Variants in NEBL observed in about 807,000 individuals in gnomAD.
NEBL encodes the protein nebulette, also known as LIM and SH3 protein 2.
NEBL carries 122 observed loss-of-function variants against 140.2 expected under a neutral mutation model. The ratio of observed to expected loss-of-function variants is 0.87; its 90% confidence interval spans 0.75 to 1.01. The LOEUF is 1.01. Among genes scored for constraint, NEBL ranks in the 50% least tolerant of loss-of-function variants. NEBL has a pLI of 0.00. For missense variants in NEBL, 1,365 were observed against 1,231.3 expected (o/e 1.11, Z -1.62); for synonymous variants, 436 against 398.9 (o/e 1.09, Z -1.11).
intron 2 of NEBL, among the ~76,000 whole-genome samples, chr10:21,124,492 AC>A (rs1481934980): frequency 1.3e-5 from 2 of 152,148 alleles, no homozygotes; most frequent in Non-Finnish European, 2.9e-5. Flanking sequence ...CTGTCTAAAG[AC>A]CCTAATGCAA....
rs71392177 is a variant in NEBL, at chr10:21,264,696, TAAAAAAAAAAAAAAAAAAAAAAAAA to T, written n.183-12893_183-12869del. 3.3e-4 allele frequency among the ~76,000 whole-genome samples: 10 copies of T among 30,724 alleles called. No individual in the cohort carries two copies. In the South Asian group the frequency reaches 7.7e-3, roughly 24 times the overall value. 20.2% of individuals were successfully genotyped at this position (30,724 alleles called of 152,430 possible). On this transcript the variant is annotated intron_variant and non_coding_transcript_variant, in intron 1 of 8. Transcript: ENST00000675702. ...CCCTTAATTTGTTCCAGTTGCTATT[TAAAAAAAAAAAAAAAAAAAAAAAAA>T]AAAAAAAAAAAAGCCTTACACTGGG...
intron 3 of NEBL, among the ~76,000 whole-genome samples, chr10:21,202,876 T>C (rs918357777): frequency 3.9e-5 from 6 of 152,200 alleles, no homozygotes; most frequent in African/African-American, 1.2e-4. Flanking sequence ...TTTTCTATAC[T>C]AAGTACTAGT....
At chr10:21,288,975 G>C (rs1843106469) in intron 1 of NEBL, among the ~76,000 whole-genome samples, 1 of 148,602 alleles carries the variant, frequency 6.7e-6, no homozygotes, top group South Asian at 2.2e-4. Flanking sequence ...AGCCTCCCGA[G>C]TAGCTGGGAT....
In NEBL at chr10:20,823,205, C is replaced by A; in HGVS notation, c.1962+3G>T. 1 of 1,592,784 alleles carries A rather than the reference C, an allele frequency of 6.3e-7. No individual in the cohort carries two copies. The highest frequency in any genetic ancestry group is 1.1e-5 in the South Asian group (1 of 90,400). Reference sequence around the variant, plus strand: ...TTAAAAAATACTTAAGAAATATGATCACATTGCTGATGTTCTTCTGGTTTT... The same window carrying A: ...TTAAAAAATACTTAAGAAATATGATAACATTGCTGATGTTCTTCTGGTTTT... On this transcript the variant is annotated splice_donor_region_variant and intron_variant, in intron 19 of 27. Transcript: ENST00000377122.
intron 5 of NEBL, among the ~76,000 whole-genome samples, chr10:20,872,228 A>C (rs1039082139): frequency 2.2e-4 from 34 of 152,152 alleles, no homozygotes; most frequent in African/African-American, 7.7e-4. Context: ...CCCATCATCC[A>C]TGTAAATTGC....
intron 5 of NEBL, among the ~76,000 whole-genome samples, chr10:20,876,303 C>T (rs1301136459): frequency 2.0e-5 from 3 of 152,012 alleles, no homozygotes; most frequent in Non-Finnish European, 2.9e-5. Flanking sequence ...TTTTCTTATT[C>T]ATGATTTAAT....
intron 4 of NEBL, among the ~76,000 whole-genome samples, chr10:20,913,614 G>A (rs568634813): frequency 1.4e-4 from 21 of 152,220 alleles, no homozygotes; most frequent in Admixed American, 8.5e-4. Context: ...ACGAAATATC[G>A]TATCAGGAAT....
At chr10:21,138,631 GTGC>G (rs2132089261) in intron 2 of NEBL, among the ~76,000 whole-genome samples, 2 of 152,076 alleles carry the variant, frequency 1.3e-5, no homozygotes, top group East Asian at 3.9e-4. Context: ...TATACTCCAG[GTGC>G]TATGTTATGT....
intron 2 of NEBL, among the ~76,000 whole-genome samples, chr10:21,038,624 G>T (rs1049556944): frequency 1.1e-4 from 17 of 152,180 alleles, no homozygotes; most frequent in Non-Finnish European, 1.8e-4. Context: ...ATGGGCATTT[G>T]GGTTGGTTCC....
At chr10:21,219,262 AT>A (rs1842036309) in intron 3 of NEBL, among the ~76,000 whole-genome samples, 1 of 152,226 alleles carries the variant, frequency 6.6e-6, no homozygotes, top group South Asian at 2.1e-4. Flanking sequence ...TTAAAAATGT[AT>A]TTTTTATAAG....
chr10:21,288,000 A>G (rs1027456421), intron 1 of NEBL, among the ~76,000 whole-genome samples: 4 of 152,214 alleles, frequency 2.6e-5, no homozygotes, highest in African/African-American at 9.6e-5. Context: ...ATCTGTCTCA[A>G]TTTTCTCTTC....
chr10:21,087,012 A>G (rs1836665853), intron 2 of NEBL, among the ~76,000 whole-genome samples: 1 of 152,140 alleles, frequency 6.6e-6, no homozygotes, highest in African/African-American at 2.4e-5. Context: ...TTTCCAAGGG[A>G]TGTCTCTTAA....
At chr10:20,997,559 G>A (rs762902086) in intron 3 of NEBL, among the ~76,000 whole-genome samples, 7 of 137,366 alleles carry the variant, frequency 5.1e-5, no homozygotes, top group Admixed American at 4.9e-4. Context: ...AGCCAACCCT[G>A]CAATGCACTA....
chr10:20,895,519 G>A (rs950054347), intron 2 of NEBL, among the ~76,000 whole-genome samples: 23 of 152,094 alleles, frequency 1.5e-4, no homozygotes, highest in African/African-American at 4.8e-4. Context: ...CGCCTACCTC[G>A]CAAGCTGCAA....
chr10:20,903,493 G>C (rs1847962252), intron 4 of NEBL, among the ~76,000 whole-genome samples: 1 of 152,100 alleles, frequency 6.6e-6, no homozygotes, highest in South Asian at 2.1e-4. Context: ...GCTACCATAG[G>C]ATTCAGCAAT....
intron 3 of NEBL, among the ~76,000 whole-genome samples, chr10:21,223,752 C>T (rs1403430434): frequency 1.3e-5 from 2 of 152,172 alleles, no homozygotes; most frequent in African/African-American, 4.8e-5. Context: ...GATGATATCT[C>T]ATTGTAGTTT....
chr10:21,098,747 AAGTCCTCCTCTGGCC>A (rs1160425442), intron 2 of NEBL, among the ~76,000 whole-genome samples: 1 of 152,212 alleles, frequency 6.6e-6, no homozygotes, highest in Non-Finnish European at 1.5e-5. Flanking sequence ...AAAATTAAGG[AAGTCCTCCTCTGGCC>A]AGCTTTCCCC....
At chr10:21,182,790 T>C (rs1220078974) in intron 3 of NEBL, among the ~76,000 whole-genome samples, 1 of 152,254 alleles carries the variant, frequency 6.6e-6, no homozygotes, top group Non-Finnish European at 1.5e-5. Context: ...TTTAGCAATA[T>C]ATTTTATTTA....
chr10:21,035,348 T>C (rs73607579), intron 2 of NEBL, among the ~76,000 whole-genome samples: 2,789 of 145,986 alleles, frequency 0.019, 92 homozygotes, highest in African/African-American at 0.067. Flanking sequence ...CCAAAATTAG[T>C]ATATTTTACA....
Sources: allele counts gnomAD v4.1 joint callset (sites outside exome capture counted in the v4.1 genomes callset), GRCh38; gene constraint gnomAD v4.1.1; transcripts MANE v1.5; gene names NCBI Gene and HGNC (gene_info 2026-07-23, HGNC 2026-07-21).